GPR183: variants seen among roughly 807,000 people sequenced by gnomAD.
The protein encoded by GPR183 is EBV-induced G-protein coupled receptor 2.
In GPR183, 9 loss-of-function variants were observed where a neutral mutation model predicts 19.7. The observed-to-expected ratio is 0.46, with a 90% CI of 0.28 to 0.80. The LOEUF (loss-of-function observed/expected upper bound fraction) is 0.80, where lower values mean the gene tolerates loss of function less well. GPR183 is among the 30% of genes least tolerant of loss of function. GPR183 has a pLI of 0.13. For synonymous variants in GPR183, 160 were observed against 155.1 expected (o/e 1.03, Z -0.24); for missense variants, 368 against 446.7 (o/e 0.82, Z 1.59).
At chr13:99,298,446 T>G (rs988388035) in intron 1 of GPR183, among the ~76,000 whole-genome samples, 8 of 152,158 alleles carry the variant, frequency 5.3e-5, no homozygotes, top group Non-Finnish European at 1.0e-4. Flanking sequence ...TGCTTAGAAC[T>G]AAATGATGAA....
rs149857139 is a variant in GPR183 at position 99,295,304 on chromosome 13, C to T, written c.842G>A (p.Ser281Asn). ...KLRFSNFLEC[S>N]QRHSFQISLH... ...AGAAATCTGGAACGAATGTCTTTGG[C>T]TACATTCCAGGAAATTAGAGAAACG... Residue 281 changes from serine (S) to asparagine (N), a missense_variant, in exon 2 of 2, where the codon AGC becomes AAC. By Grantham distance (46) the Ser-to-Asn change is conservative (BLOSUM62 1). Transcript: ENST00000376414. The surrounding 1 kb of genome is among the most constrained non-coding windows in gnomAD (Gnocchi z 4.1). 2.5e-6 allele frequency: 4 copies of T among 1,613,984 alleles called. No individual in the cohort carries two copies. The African/African-American group carries it at 5.3e-5, about 22-fold the overall frequency.
intron 1 of GPR183, among the ~76,000 whole-genome samples, chr13:99,304,991 G>A (rs1418183422): frequency 6.6e-6 from 1 of 152,208 alleles, no homozygotes; most frequent in Non-Finnish European, 1.5e-5. Flanking sequence ...AGGAAGAGAT[G>A]TTGATTCAAA....
chr13:99,301,834 A>G (rs1247887362), intron 1 of GPR183, among the ~76,000 whole-genome samples: 3 of 152,224 alleles, frequency 2.0e-5, no homozygotes, highest in African/African-American at 7.2e-5. Flanking sequence ...AACCTTTACC[A>G]TATTCGGGGA....
At chr13:99,307,043 T>G (rs901082117) in intron 1 of GPR183, among the ~76,000 whole-genome samples, 2 of 152,228 alleles carry the variant, frequency 1.3e-5, no homozygotes, top group African/African-American at 4.8e-5. Flanking sequence ...TGCATAGTTT[T>G]GCTTGATACT....
In GPR183 at chr13:99,296,174, A is replaced by C; in HGVS notation, c.-18-11T>G. On this transcript the variant is annotated splice_polypyrimidine_tract_variant and intron_variant, in intron 1 of 1. Transcript: ENST00000376414. ...TGGTGGTCCAGGTGTCTAGAAAAAA[A>C]CCAAGAAGGATCATATAAGTAAAAG... is the stretch of plus-strand genomic sequence containing the variant. 3.9e-6 allele frequency: 6 copies of C among 1,536,842 alleles called. No homozygotes were observed. In the South Asian group the frequency reaches 5.0e-5, roughly 13 times the overall value.
rs931334548 is a variant in GPR183 at position 99,294,999 on chromosome 13, G to T, written c.*61C>A. The T allele has an allele frequency of 7.1e-5, 108 of 1,521,298 alleles. No individual in the cohort carries two copies. Among genetic ancestry groups the T allele is most frequent in the Non-Finnish European group, 8.7e-5 (98 of 1,132,426 alleles). 94.2% of individuals were successfully genotyped at this position (1,521,298 alleles called of 1,614,324 possible). On this transcript the variant is annotated 3_prime_UTR_variant, in exon 2 of 2. Transcript: ENST00000376414. Reference sequence around the variant, plus strand: ...GCTGAACAATTATTTTGCTTTATAAGGGAAGTCCTGCAAAGTTTGTCATAC... The same window carrying T: ...GCTGAACAATTATTTTGCTTTATAATGGAAGTCCTGCAAAGTTTGTCATAC...
chr13:99,307,131 C>T (rs751784671), intron 1 of GPR183, among the ~76,000 whole-genome samples: 2 of 152,114 alleles, frequency 1.3e-5, no homozygotes, highest in Non-Finnish European at 2.9e-5. Context: ...CTGGTGGACC[C>T]ATCGCTTTCA....
intron 1 of GPR183, among the ~76,000 whole-genome samples, chr13:99,305,826 G>A (rs932455486): frequency 2.0e-5 from 3 of 152,280 alleles, no homozygotes; most frequent in African/African-American, 7.2e-5. Context: ...TAAAATATAA[G>A]AAGTGTGCAG....
At position 99,296,724 on chromosome 13, in the gene GPR183, A is replaced by G. The variant is rs575787106; in HGVS notation, c.-18-561T>C. 2.0e-5 allele frequency among the ~76,000 whole-genome samples: 3 copies of G among 152,310 alleles called. No individual in the cohort carries two copies. In the South Asian group the frequency reaches 6.2e-4, roughly 32 times the overall value. Reference sequence around the variant, plus strand: ...AAAGTCTGAGAAATAGGCTTAGTCCATGTTAGGAACTGAAAGTTAGATTTT... The same window carrying G: ...AAAGTCTGAGAAATAGGCTTAGTCCGTGTTAGGAACTGAAAGTTAGATTTT... On this transcript the variant is annotated intron_variant, in intron 1 of 1. Coordinates refer to ENST00000376414, the MANE Select transcript of GPR183 (RefSeq NM_004951.5).
intron 1 of GPR183, among the ~76,000 whole-genome samples, chr13:99,297,706 A>G (rs2138722839): frequency 1.3e-5 from 2 of 152,240 alleles, no homozygotes; most frequent in East Asian, 1.9e-4. Context: ...AAAACAAAGA[A>G]TGAGGATGGT....
At chr13:99,306,081 A>G (rs2044329730) in intron 1 of GPR183, among the ~76,000 whole-genome samples, 1 of 152,064 alleles carries the variant, frequency 6.6e-6, no homozygotes, top group Admixed American at 6.5e-5. Flanking sequence ...TTTTTAGTAG[A>G]GATGGGGTTT....
chr13:99,305,467 G>A (rs1467351673), intron 1 of GPR183, among the ~76,000 whole-genome samples: 1 of 152,164 alleles, frequency 6.6e-6, no homozygotes, highest in East Asian at 1.9e-4. Context: ...TATTAGGTGC[G>A]AAGCTCTTTT....
In GPR183 at chr13:99,294,559, A is replaced by G. The variant is rs553784591; in HGVS notation, c.*501T>C. The stretch of plus-strand genomic sequence containing the variant: ...ATAACTTTGCAGCATCCTGCTCTTT[A>G]TTCCAAAAGAGTTCCTTAACAAAGT... On this transcript the variant is annotated 3_prime_UTR_variant, in exon 2 of 2. Transcript: ENST00000376414. The G allele has an allele frequency of 1.3e-5, 2 of 153,050 alleles. No homozygotes were observed. The highest frequency in any genetic ancestry group is 4.8e-5 in the African/African-American group (2 of 41,586). The allele number at this position is 153,050 out of a possible 1,614,324, so 9.5% of individuals were successfully genotyped here.
At chr13:99,300,820 G>A (rs1351706109) in intron 1 of GPR183, among the ~76,000 whole-genome samples, 2 of 152,164 alleles carry the variant, frequency 1.3e-5, no homozygotes, top group Middle Eastern at 3.2e-3. Flanking sequence ...CTCATACACA[G>A]CAGTACTCTG....
chr13:99,302,561 C>T (rs1179072641), intron 1 of GPR183, among the ~76,000 whole-genome samples: 1 of 152,200 alleles, frequency 6.6e-6, no homozygotes, highest in African/African-American at 2.4e-5. Flanking sequence ...AAATTTGGCC[C>T]AGTGTCACAC....
chr13:99,297,459 C>T (rs1391865130), intron 1 of GPR183, among the ~76,000 whole-genome samples: 1 of 152,026 alleles, frequency 6.6e-6, no homozygotes, highest in Admixed American at 6.6e-5. Context: ...TGCTTCTCTC[C>T]CTGCTGTATT....
rs749348020 is a variant in GPR183 at position 99,296,062 on chromosome 13, G to A, written c.84C>T (p.Ser28=). 1.2e-6 allele frequency: 2 copies of A among 1,613,944 alleles called. No homozygotes were observed. The highest frequency in any genetic ancestry group is 2.7e-5 in the African/African-American group (2 of 74,912). ...GCAGAGGCATTACTATCCTGGCCGT[G>A]CTGTGATGTGCATAGAGGTCACAGT... ...GNDCDLYAHH[S]TARIVMPLHY... The change falls in exon 2 of 2, where the codon AGC becomes AGT. Residue 28 remains serine, a synonymous_variant. Transcript: ENST00000376414.
intron 1 of GPR183, among the ~76,000 whole-genome samples, chr13:99,300,639 G>A (rs1427889484): frequency 1.3e-5 from 2 of 152,186 alleles, no homozygotes; most frequent in African/African-American, 4.8e-5. Context: ...GCAGGAAAAT[G>A]GTTTTTAGTG....
In GPR183 at chr13:99,295,297, T is replaced by G. The variant is rs1218621811; in HGVS notation, c.849A>C (p.Arg283Ser). 2 of 1,614,160 alleles carry G rather than the reference T, an allele frequency of 1.2e-6. No individual in the cohort carries two copies. The change falls in exon 2 of 2, where the codon AGA becomes AGC. Residue 283 changes from arginine (R) to serine (S), a missense_variant. Transcript: ENST00000376414. This position sits in a 1 kb window ranked among gnomAD's most constrained non-coding sequence, Gnocchi z 4.1. ...RFSNFLECSQ[R>S]HSFQISLHFT... is the part of the protein sequence containing the mutation. ...AGTGCAGAGAAATCTGGAACGAATG[T>G]CTTTGGCTACATTCCAGGAAATTAG... is the stretch of plus-strand genomic sequence containing the variant.
Sources: gnomAD v4.1 joint callset for allele counts (sites outside exome capture counted in the v4.1 genomes callset) on GRCh38, gnomAD v4.1.1 for gene constraint, Gnocchi (gnomAD v3.1) non-coding constraint, MANE v1.5 for transcripts, NCBI Gene and HGNC (gene_info 2026-07-23, HGNC 2026-07-21) for gene names.